HDAC5: variants seen among roughly 807,000 people sequenced by gnomAD.
HDAC5 encodes the protein antigen NY-CO-9.
HDAC5 carries 25 observed loss-of-function variants against 133.3 expected under a neutral mutation model. That is an observed-to-expected ratio of 0.19 (90% CI 0.14 to 0.26). The LOEUF is 0.26. HDAC5 is among the 10% of genes least tolerant of loss of function. The pLI is 1.00. For synonymous variants in HDAC5, 589 were observed against 610.8 expected, an observed-to-expected ratio of 0.96 and a Z score of 0.53; for missense variants, 1,041 against 1,460.5, an observed-to-expected ratio of 0.71 and a Z score of 4.68.
chr17:44,091,733 C>A lies in HDAC5; in HGVS notation c.1131G>T (p.Gln377His), dbSNP rs1374007854. 1 of 1,592,030 alleles carries A rather than the reference C, an allele frequency of 6.3e-7. No individual in the cohort carries two copies. The highest frequency in any genetic ancestry group is 8.6e-7 in the Non-Finnish European group (1 of 1,169,124). ...PSLPNISLGL[Q>H]ATVTVTNSHL... ...GTGAGTTGGTGACAGTGACCGTGGC[C>A]TGCAGCCCTAGGGAGATGTTGGGCA... The change falls in exon 10 of 27, where the codon CAG becomes CAT. Residue 377 changes from glutamine to histidine, a missense_variant. Gln to His is a conservative substitution (Grantham distance 24). Transcript: ENST00000682912.
rs188695612 is a variant in HDAC5, at chr17:44,082,876, G to A, written c.2464-56C>T. The stretch of plus-strand genomic sequence containing the variant: ...AGATCCAGGCAGGAAGGCCGTGGAG[G>A]GGGTAGCACAGGACAGAAGCACAAG... On this transcript the variant is annotated intron_variant, in intron 18 of 26. Transcript: ENST00000682912. 2.7e-3 allele frequency: 3,973 copies of A among 1,475,078 alleles called. 6 individuals are homozygous for A. Among genetic ancestry groups the A allele is most frequent in the Non-Finnish European group, 3.3e-3 (3,596 of 1,077,650 alleles). The allele number at this position is 1,475,078 out of a possible 1,614,324, so 91.4% of individuals were successfully genotyped here.
chr17:44,095,924 C>T (rs1045973902), intron 3 of HDAC5, among the ~76,000 whole-genome samples: 1 of 152,080 alleles, frequency 6.6e-6, no homozygotes, highest in Non-Finnish European at 1.5e-5. Flanking sequence ...GTTCCAAGAC[C>T]TTGGGTCCAG....
At chr17:44,083,081 C>A (rs376734172) in intron 18 of HDAC5, among the ~76,000 whole-genome samples, 56 of 152,244 alleles carry the variant, frequency 3.7e-4, no homozygotes, top group African/African-American at 9.6e-4. Flanking sequence ...CAGGCTCAGA[C>A]AATCCTTCCA....
At chr17:44,098,508 G>A (rs2051399350) in intron 3 of HDAC5, among the ~76,000 whole-genome samples, 1 of 152,184 alleles carries the variant, frequency 6.6e-6, no homozygotes, top group African/African-American at 2.4e-5. Context: ...GGAGGCTGAG[G>A]CGGGCGGATC....
chr17:44,086,714 C>T lies in HDAC5; in HGVS notation c.1908G>A (p.Leu636=). 1 of 1,298,892 alleles carries T rather than the reference C, an allele frequency of 7.7e-7. No individual in the cohort carries two copies. Among genetic ancestry groups the T allele is most frequent in the Non-Finnish European group, 9.8e-7 (1 of 1,016,592 alleles). The allele number at this position is 1,298,892 out of a possible 1,614,324, so 80.5% of individuals were successfully genotyped here. ...YKKLFSDAQP[L]QPLQVYQAPL... ...GCGCCTGGTACACCTGCAAAGGCTG[C>T]AGCGGCTGGGCATCTGAGAACAGCT... Residue 636 remains leucine, a synonymous_variant, in exon 14 of 27, where the codon CTG becomes CTA. Transcript: ENST00000682912.
intron 3 of HDAC5, 95 bp from the exon 4 acceptor site, chr17:44,093,929 A>C: frequency 7.2e-7 from 1 of 1,391,256 alleles, no homozygotes. Context: ...ATTCTAGGAG[A>C]CCCAAAGAGA....
chr17:44,117,527 G>A lies in HDAC5; in HGVS notation c.-12C>T. 6.2e-7 allele frequency: 1 copy of A among 1,613,836 alleles called. No homozygotes were observed. Among genetic ancestry groups the A allele is most frequent in the Non-Finnish European group, 8.5e-7 (1 of 1,180,018 alleles). On this transcript the variant is annotated 5_prime_UTR_variant, in exon 2 of 27. Transcript: ENST00000682912. The surrounding 1 kb of genome is among the most constrained non-coding windows in gnomAD (Gnocchi z 4.2). ...TTGGGAGAGTTCATGCCGGCTCTGG[G>A]CCTGCAGGAAGCTGGCGTTGGGGGC...
At chr17:44,115,418 C>T (rs1490577144) in intron 2 of HDAC5, among the ~76,000 whole-genome samples, 1 of 152,240 alleles carries the variant, frequency 6.6e-6, no homozygotes, top group Non-Finnish European at 1.5e-5. Flanking sequence ...CGTGCTCTGG[C>T]TTCAATCGGT....
chr17:44,095,850 T>TGGG (rs979537620), intron 3 of HDAC5, among the ~76,000 whole-genome samples: 4 of 151,932 alleles, frequency 2.6e-5, no homozygotes, highest in African/African-American at 9.7e-5. Flanking sequence ...ACTCTGGTCT[T>TGGG]ACGGAGAACC....
At position 44,078,611 on chromosome 17, in the gene HDAC5, C is replaced by A; in HGVS notation, c.3218G>T (p.Arg1073Leu). 1 of 1,608,082 alleles carries A rather than the reference C, an allele frequency of 6.2e-7. No homozygotes were observed. The highest frequency in any genetic ancestry group is 8.5e-7 in the Non-Finnish European group (1 of 1,179,956). Residue 1073 changes from arginine (R) to leucine (L), a missense_variant, in exon 26 of 27, where the codon CGA becomes CTA. By Grantham distance (102) the Arg-to-Leu change is moderately radical (BLOSUM62 -2). This residue lies in a region of HDAC5 where 95 missense variants were observed against 107.3 expected (regional missense o/e 0.88). Transcript: ENST00000682912. ...CTCGGTCTCACCTGCTTGGGCCTCT[C>A]GCAGGGACCGGCCCAGACCAGCGGC... ...KFAAGLGRSL[R>L]EAQAGETEEA...
chr17:44,123,467 G>A, intron 1 of HDAC5, 37 bp downstream of exon 1: 1 of 367,730 alleles, frequency 2.7e-6, no homozygotes. Flanking sequence ...CCCGGGGTCC[G>A]GGGAAGATGG....
intron 20 of HDAC5, chr17:44,082,372 G>A (rs1198299862): frequency 5.1e-6 from 3 of 586,822 alleles, no homozygotes; most frequent in Non-Finnish European, 9.1e-6. Flanking sequence ...GGAGCTAAAT[G>A]TCTTTCATAG....
Position 44,092,537 on chromosome 17 carries a change from A to C in HDAC5, c.773-10T>G. 1 of 1,610,344 alleles carries C rather than the reference A, an allele frequency of 6.2e-7. No individual in the cohort carries two copies. The highest frequency in any genetic ancestry group is 8.5e-7 in the Non-Finnish European group (1 of 1,177,112). ...AAGTTGGGTTCAGAGGCTGGAGAGA[A>C]GGTAACCGAGGTTCAGATACGCGCA... On this transcript the variant is annotated splice_polypyrimidine_tract_variant and intron_variant, in intron 7 of 26. Transcript: ENST00000682912.
Position 44,078,578 on chromosome 17 carries a change from T to G in HDAC5, c.3251A>C (p.Glu1084Ala). Residue 1084 changes from glutamate to alanine, a missense_variant, in exon 26 of 27, where the codon GAG becomes GCG. Transcript: ENST00000682912. The stretch of plus-strand genomic sequence containing the variant: ...CAGCAAGGCCATGGCGCTCACAGTC[T>G]CGGCCTCCTCGGTCTCACCTGCTTG... ...EAQAGETEEA[E>A]TVSAMALLSV... The G allele has an allele frequency of 6.2e-7, 1 of 1,610,364 alleles. No individual in the cohort carries two copies. The highest frequency in any genetic ancestry group is 2.2e-5 in the East Asian group (1 of 44,860).
At chr17:44,103,526 A>G (rs1286047992) in intron 3 of HDAC5, among the ~76,000 whole-genome samples, 2 of 152,186 alleles carry the variant, frequency 1.3e-5, no homozygotes, top group African/African-American at 2.4e-5. Flanking sequence ...TGGCAGGCAG[A>G]ACAGCACCCA....
At chr17:44,095,860 C>A (rs747143023) in intron 3 of HDAC5, among the ~76,000 whole-genome samples, 2 of 151,908 alleles carry the variant, frequency 1.3e-5, no homozygotes, top group Admixed American at 6.6e-5. Flanking sequence ...TACGGAGAAC[C>A]GGCTGGGGAG....
chr17:44,087,595 T>C lies in HDAC5; in HGVS notation c.1701A>G (p.Gly567=). The C allele has an allele frequency of 6.2e-7, 1 of 1,613,992 alleles. No individual in the cohort carries two copies. Among genetic ancestry groups the C allele is most frequent in the Non-Finnish European group, 8.5e-7 (1 of 1,179,968 alleles). ...AGCCCTCCCGGGGCATGGTCAGGGCTCCCTCCCCCAGCAAGACCTCCTGCT... is the reference window on the plus strand; with the variant it reads ...AGCCCTCCCGGGGCATGGTCAGGGCCCCCTCCCCCAGCAAGACCTCCTGCT... ...TEQQEVLLGE[G]ALTMPREGST... The change falls in exon 13 of 27, where the codon GGA becomes GGG. Residue 567 remains glycine, a synonymous_variant. Transcript: ENST00000682912.
intron 6 of HDAC5, 61 bp downstream of exon 6, chr17:44,093,031 A>G (rs1240726318): frequency 7.9e-7 from 1 of 1,261,250 alleles, no homozygotes; most frequent in East Asian, 2.4e-5. Context: ...TTGCCATCCT[A>G]TAGCCAGGCA....
Position 44,117,398 on chromosome 17 carries a change from G to T in HDAC5, c.22+96C>A. Reference sequence around the variant, plus strand: ...TACCCCCTCATTCCCTTATAGCTCAGACAGTAAAGGTCAGCTGGCCTGGAA... The same window carrying T: ...TACCCCCTCATTCCCTTATAGCTCATACAGTAAAGGTCAGCTGGCCTGGAA... On this transcript the variant is annotated intron_variant, in intron 2 of 26. Coordinates refer to ENST00000682912, the MANE Select transcript of HDAC5 (RefSeq NM_005474.5). This position sits in a 1 kb window ranked among gnomAD's most constrained non-coding sequence, Gnocchi z 4.2. The T allele has an allele frequency of 2.3e-6, 3 of 1,331,140 alleles. No individual in the cohort carries two copies. Among genetic ancestry groups the T allele is most frequent in the Non-Finnish European group, 3.3e-6 (3 of 921,818 alleles). The allele number at this position is 1,331,140 out of a possible 1,614,324, so 82.5% of individuals were successfully genotyped here.
Sources: gnomAD v4.1 joint callset for allele counts (sites outside exome capture counted in the v4.1 genomes callset) on GRCh38, gnomAD v4.1.1 for gene constraint, gnomAD v4.1.1 regional missense constraint, Gnocchi (gnomAD v3.1) non-coding constraint, MANE v1.5 for transcripts, NCBI Gene and HGNC (gene_info 2026-07-23, HGNC 2026-07-21) for gene names.